ROBO2: variants seen among roughly 807,000 people sequenced by gnomAD.
The protein encoded by ROBO2 is roundabout guidance receptor 2.
In ROBO2, 53 loss-of-function variants were observed where a neutral mutation model predicts 160.8. The ratio of observed to expected loss-of-function variants is 0.33; its 90% CI spans 0.26 to 0.41. The LOEUF (loss-of-function observed/expected upper bound fraction) is 0.41, where lower values mean the gene tolerates loss of function less well. Among genes scored for constraint, ROBO2 ranks in the 10% least tolerant of loss-of-function variants. The probability of loss-of-function intolerance (pLI) is 1.00; values close to 1 mark genes in which losing one functional copy is unlikely to be tolerated. For synonymous variants in ROBO2, 664 were observed against 611.7 expected (o/e 1.09, Z -1.26); for missense variants, 1,577 against 1,722.4 (o/e 0.92, Z 1.49).
intron 2 of ROBO2, among the ~76,000 whole-genome samples, chr3:76,814,117 G>A (rs2065449344): frequency 6.6e-6 from 1 of 152,104 alleles, no homozygotes; most frequent in Non-Finnish European, 1.5e-5. Flanking sequence ...TAAAAACGAA[G>A]TATCCGTCTG....
chr3:77,262,916 G>T (rs66799104), intron 2 of ROBO2, among the ~76,000 whole-genome samples: 22,784 of 152,032 alleles, frequency 0.15, 2,512 homozygotes, highest in East Asian at 0.64. Context: ...CCTTTATTGA[G>T]TTTTGCTATA....
intron 4 of ROBO2, among the ~76,000 whole-genome samples, chr3:77,484,173 G>C (rs2085042831): frequency 6.6e-6 from 1 of 151,912 alleles, no homozygotes; most frequent in African/African-American, 2.4e-5. Context: ...ATTAGAAGTA[G>C]GTATCATAGT....
At chr3:76,849,412 C>T (rs543208496) in intron 2 of ROBO2, among the ~76,000 whole-genome samples, 9 of 152,134 alleles carry the variant, frequency 5.9e-5, no homozygotes, top group Non-Finnish European at 1.3e-4. Context: ...ACCCCATTTG[C>T]ATTGCATGCT....
At chr3:77,617,400 C>A in intron 21 of ROBO2, 113 bp from the exon 23 acceptor site, 1 of 1,214,166 alleles carries the variant, frequency 8.2e-7, no homozygotes, top group Non-Finnish European at 1.2e-6. Context: ...AAGAAATAAA[C>A]CGAGAGAACA....
At chr3:76,599,232 C>T (rs1320778862) in intron 2 of ROBO2, among the ~76,000 whole-genome samples, 1 of 152,028 alleles carries the variant, frequency 6.6e-6, no homozygotes, top group African/African-American at 2.4e-5. Context: ...TCCTACTCTC[C>T]CTGTTAAGTA....
At chr3:77,558,299 T>C (rs1168306554) in intron 9 of ROBO2, 150 bp downstream of exon 10, 3 of 710,828 alleles carry the variant, frequency 4.2e-6, no homozygotes, top group East Asian at 2.7e-5. Flanking sequence ...TTAAAAATGA[T>C]GAAATGAAAT....
chr3:76,018,381 G>T (rs548019382), intron 2 of ROBO2, among the ~76,000 whole-genome samples: 2 of 151,882 alleles, frequency 1.3e-5, no homozygotes, highest in South Asian at 4.2e-4. Context: ...AAGTATATAA[G>T]AATTAGCCTT....
chr3:77,185,642 C>T (rs558151344), intron 2 of ROBO2, among the ~76,000 whole-genome samples: 30 of 151,936 alleles, frequency 2.0e-4, no homozygotes, highest in Admixed American at 7.9e-4. Flanking sequence ...CCATTTGATC[C>T]GGTGATCTCA....
Position 77,200,304 on chromosome 3 carries a change from TATATATATATATATA to T in ROBO2, c.388+101965_388+101979del, listed in dbSNP as rs2082757882. Among the ~76,000 whole-genome samples, 3 of 85,916 alleles carry T rather than the reference TATATATATATATATA, an allele frequency of 3.5e-5. No individual in the cohort carries two copies. In the East Asian group the frequency reaches 9.8e-4, roughly 28 times the overall value. The allele number at this position is 85,916 out of a possible 152,430, so 56.4% of individuals were successfully genotyped here. ...ATATATATATATATATATATATATA[TATATATATATATATA>T]TATTTTAGTTTCTATAGGTAAAGGG... On this transcript the variant is annotated intron_variant, in intron 2 of 25. Transcript: ENST00000461745.
chr3:76,556,568 T>C (rs546932857), intron 2 of ROBO2, among the ~76,000 whole-genome samples: 2 of 152,280 alleles, frequency 1.3e-5, no homozygotes, highest in South Asian at 2.1e-4. Context: ...GTATTTGATG[T>C]GAAGTTTAAT....
intron 2 of ROBO2, among the ~76,000 whole-genome samples, chr3:76,257,744 T>C (rs977765171): frequency 1.3e-5 from 2 of 152,084 alleles, no homozygotes; most frequent in Non-Finnish European, 2.9e-5. Context: ...CTCTCCATAT[T>C]GTATGTGCTG....
At chr3:76,475,202 A>G (rs960193567) in intron 2 of ROBO2, among the ~76,000 whole-genome samples, 2 of 152,138 alleles carry the variant, frequency 1.3e-5, no homozygotes, top group African/African-American at 2.4e-5. Flanking sequence ...CCACGGGAAA[A>G]AATAAAATAG....
At chr3:77,170,977 T>C (rs938460185) in intron 2 of ROBO2, among the ~76,000 whole-genome samples, 6 of 152,078 alleles carry the variant, frequency 3.9e-5, no homozygotes, top group Non-Finnish European at 5.9e-5. Flanking sequence ...GATTGGCCTG[T>C]GGTGGGATAA....
intron 2 of ROBO2, among the ~76,000 whole-genome samples, chr3:77,406,530 C>G (rs2076268066): frequency 6.6e-6 from 1 of 152,068 alleles, no homozygotes; most frequent in African/African-American, 2.4e-5. Flanking sequence ...CTTATTAATA[C>G]TGTATATTCA....
intron 2 of ROBO2, among the ~76,000 whole-genome samples, chr3:76,148,957 C>T (rs1316374802): frequency 6.6e-6 from 1 of 152,042 alleles, no homozygotes; most frequent in Non-Finnish European, 1.5e-5. Flanking sequence ...ATGCTAATGA[C>T]ATCCATATTT....
intron 2 of ROBO2, among the ~76,000 whole-genome samples, chr3:76,983,142 G>A (rs1228865819): frequency 5.9e-5 from 9 of 152,018 alleles, no homozygotes; most frequent in African/African-American, 9.6e-5. Flanking sequence ...AAAATTAGCC[G>A]GGCGTGGTGG....
intron 2 of ROBO2, among the ~76,000 whole-genome samples, chr3:76,287,810 C>T (rs2107690727): frequency 6.6e-6 from 1 of 152,316 alleles, no homozygotes; most frequent in African/African-American, 2.4e-5. Flanking sequence ...AAGTAAGATA[C>T]ATATCTGCAC....
chr3:76,580,328 G>GTTTTTTTTTTT (rs748888426), intron 2 of ROBO2, among the ~76,000 whole-genome samples: 7 of 67,320 alleles, frequency 1.0e-4, no homozygotes, highest in Admixed American at 1.7e-4. Flanking sequence ...TTTTTTTTTT[G>GTTTTTTTTTTT]TTTTTTTTTT....
At chr3:75,935,368 C>T (rs79354357) in intron 1 of ROBO2, among the ~76,000 whole-genome samples, 3 of 151,866 alleles carry the variant, frequency 2.0e-5, no homozygotes, top group Non-Finnish European at 2.9e-5. Context: ...AAAAATTAGC[C>T]GGGGATGGTG....
Sources: allele counts gnomAD v4.1 joint callset (sites outside exome capture counted in the v4.1 genomes callset), GRCh38; gene constraint gnomAD v4.1.1; transcripts MANE v1.5; gene names NCBI Gene and HGNC (gene_info 2026-07-23, HGNC 2026-07-21).